PEAK1: variants seen among roughly 807,000 people sequenced by gnomAD.
PEAK1 encodes pseudopodium enriched atypical kinase 1.
PEAK1 carries 54 observed loss-of-function variants against 124.7 expected under a neutral mutation model. The observed-to-expected ratio is 0.43, with a 90% confidence interval of 0.35 to 0.54. The LOEUF is 0.54. Ranked by LOEUF, PEAK1 falls within the 20% of genes least tolerant of loss-of-function variation. The pLI is 0.01. For synonymous variants in PEAK1, 719 were observed against 760.0 expected (o/e 0.95, Z 0.89); for missense variants, 2,046 against 2,134.5 (o/e 0.96, Z 0.82).
At chr15:77,371,148 G>C in intron 1 of PEAK1, 5 of 967,390 alleles carry the variant, frequency 5.2e-6, no homozygotes, top group Non-Finnish European at 4.9e-6. Context: ...CAAACCAAAA[G>C]GGCTGAAAGT....
chr15:77,366,469 TATA>T lies in PEAK1; in HGVS notation c.-665-1247_-665-1245del, dbSNP rs1351245416. Among the ~76,000 whole-genome samples the T allele has an allele frequency of 2.0e-5, 3 of 152,042 alleles. 1 individual carries two copies. Among genetic ancestry groups the T allele is most frequent in the Middle Eastern group, 6.9e-3 (2 of 288 alleles). On this transcript the variant is annotated intron_variant, in intron 1 of 9. Transcript: ENST00000682557. ...CTGACAGCTACAAGTGATAACGTAA[TATA>T]ATAATATATAATATTATAATAATGT...
At chr15:77,189,360 C>T (rs1459466277) in intron 6 of PEAK1, among the ~76,000 whole-genome samples, 1 of 152,132 alleles carries the variant, frequency 6.6e-6, no homozygotes, top group African/African-American at 2.4e-5. Context: ...TGCACGTATG[C>T]ATGCATAAAT....
intron 7 of PEAK1, among the ~76,000 whole-genome samples, chr15:77,176,834 G>A (rs991162482): frequency 2.0e-5 from 3 of 152,192 alleles, no homozygotes; most frequent in African/African-American, 7.2e-5. Flanking sequence ...GATGTGGATA[G>A]ATACACTACA....
rs113666185 is a variant in PEAK1, at chr15:77,417,470, G to A, written c.-666+2536C>T. 6,504 of 974,144 alleles carry A rather than the reference G, an allele frequency of 6.7e-3. 29 individuals are homozygous for A. Among genetic ancestry groups the A allele is most frequent in the Non-Finnish European group, 7.2e-3 (5,931 of 820,700 alleles). The allele number at this position is 974,144 out of a possible 1,614,324, so 60.3% of individuals were successfully genotyped here. On this transcript the variant is annotated intron_variant, in intron 1 of 9. Transcript: ENST00000682557. ...GGGGGGATGCGGGGCGGGGGGGGAG[G>A]GGGGCAAGAGGTAGGAATCACAGTA...
chr15:77,150,175 T>C (rs540761405), intron 8 of PEAK1, among the ~76,000 whole-genome samples: 1 of 152,306 alleles, frequency 6.6e-6, no homozygotes, highest in African/African-American at 2.4e-5. Flanking sequence ...TTAAATTTTA[T>C]GTCTGAAAGT....
chr15:77,318,035 G>C (rs550489216), intron 2 of PEAK1, among the ~76,000 whole-genome samples: 4 of 152,184 alleles, frequency 2.6e-5, no homozygotes, highest in Non-Finnish European at 5.9e-5. Flanking sequence ...AATTGGCAGG[G>C]GGAGGGAAGA....
intron 5 of PEAK1, among the ~76,000 whole-genome samples, chr15:77,273,843 A>G (rs1380365933): frequency 6.6e-6 from 1 of 152,178 alleles, no homozygotes; most frequent in African/African-American, 2.4e-5. Context: ...CAAAAAGAAC[A>G]AATTTGGAGG....
At chr15:77,271,056 T>C (rs1024081080) in intron 5 of PEAK1, among the ~76,000 whole-genome samples, 7 of 152,050 alleles carry the variant, frequency 4.6e-5, no homozygotes, top group African/African-American at 1.7e-4. Flanking sequence ...GTATCCAGAA[T>C]CTACAATGAA....
chr15:77,369,000 C>CA (rs2068457859), intron 1 of PEAK1, among the ~76,000 whole-genome samples: 1 of 152,120 alleles, frequency 6.6e-6, no homozygotes, highest in Non-Finnish European at 1.5e-5. Flanking sequence ...GTTGCCTTCT[C>CA]AAGTTTGACA....
At chr15:77,156,078 T>C (rs1022358782) in intron 8 of PEAK1, 1 of 152,926 alleles carries the variant, frequency 6.5e-6, no homozygotes, top group East Asian at 1.9e-4. Flanking sequence ...TCCTTTTGTT[T>C]GTCTGTGCCC....
In PEAK1 at chr15:77,180,053, T is replaced by C. The variant is rs1394533882; in HGVS notation, c.1874A>G (p.Lys625Arg). The part of the protein sequence containing the change: ...TYARSSKNAI[K>R]VPIVINPNAY... ...ATTTGGATTGATAACAATGGGAACT[T>C]TGATAGCATTTTTGGAACTCCGAGC... The change falls in exon 7 of 10, where the codon AAA becomes AGA. Residue 625 changes from lysine (K) to arginine (R), a missense_variant. Transcript: ENST00000682557. 1.9e-6 allele frequency: 3 copies of C among 1,613,932 alleles called. No homozygotes were observed. The highest frequency in any genetic ancestry group is 2.2e-5 in the East Asian group (1 of 44,898).
chr15:77,269,882 A>C (rs2152953140), intron 5 of PEAK1, among the ~76,000 whole-genome samples: 1 of 152,270 alleles, frequency 6.6e-6, no homozygotes, highest in African/African-American at 2.4e-5. Context: ...CTTTGTTCTC[A>C]CTGGTTTCAA....
At chr15:77,252,944 C>T (rs539195854) in intron 5 of PEAK1, among the ~76,000 whole-genome samples, 1 of 152,124 alleles carries the variant, frequency 6.6e-6, no homozygotes, top group African/African-American at 2.4e-5. Flanking sequence ...GCAGGTATCT[C>T]CAAATGTAAA....
At chr15:77,115,350 C>T (rs765531782) in intron 9 of PEAK1, 31 bp from the exon 10 acceptor site, 4 of 1,577,280 alleles carry the variant, frequency 2.5e-6, no homozygotes, top group East Asian at 4.5e-5. Context: ...TCAAAACTCA[C>T]ACTCTCATAA....
At chr15:77,342,859 T>A (rs1179423173) in intron 2 of PEAK1, among the ~76,000 whole-genome samples, 1 of 152,250 alleles carries the variant, frequency 6.6e-6, no homozygotes, top group Admixed American at 6.5e-5. Context: ...TCCATTCATC[T>A]GATGATGGAC....
chr15:77,232,226 C>G (rs544597414), intron 6 of PEAK1, among the ~76,000 whole-genome samples: 128 of 152,184 alleles, frequency 8.4e-4, no homozygotes, highest in Non-Finnish European at 1.6e-3. Flanking sequence ...ACTCTCTTGA[C>G]TCTCCTTCCC....
At chr15:77,144,196 C>A (rs1209903778) in intron 8 of PEAK1, among the ~76,000 whole-genome samples, 1 of 152,224 alleles carries the variant, frequency 6.6e-6, no homozygotes, top group East Asian at 1.9e-4. Flanking sequence ...AACTCCTCAG[C>A]AAGTTGGTCA....
intron 2 of PEAK1, chr15:77,333,220 A>G: frequency 2.2e-6 from 2 of 909,952 alleles, no homozygotes; most frequent in Non-Finnish European, 2.6e-6. Flanking sequence ...CCTAGGCTCA[A>G]GCCATCCTCC....
At chr15:77,384,202 A>AC (rs71145819) in intron 1 of PEAK1, among the ~76,000 whole-genome samples, 2 of 151,862 alleles carry the variant, frequency 1.3e-5, no homozygotes, top group Non-Finnish European at 2.9e-5. Flanking sequence ...AAAAAAAAAA[A>AC]CAAGCTCACA....
Sources: allele counts gnomAD v4.1 joint callset (sites outside exome capture counted in the v4.1 genomes callset), GRCh38; gene constraint gnomAD v4.1.1; transcripts MANE v1.5; gene names NCBI Gene and HGNC (gene_info 2026-07-23, HGNC 2026-07-21).